The following NCEH1 variants were observed in gnomAD, a reference collection of about 807,000 sequenced individuals.
NCEH1 encodes neutral cholesterol ester hydrolase 1, also known as 2-acetyl MAGE hydrolase.
A neutral mutation model predicts 25.4 loss-of-function variants in NCEH1; 9 were observed. The ratio of observed to expected loss-of-function variants is 0.35; its 90% CI spans 0.21 to 0.62. The LOEUF (loss-of-function observed/expected upper bound fraction) is 0.62, where lower values mean the gene tolerates loss of function less well. Among genes scored for constraint, NCEH1 ranks in the 20% least tolerant of loss-of-function variants. The pLI is 0.72. For missense variants in NCEH1, 412 were observed against 501.1 expected, an observed-to-expected ratio of 0.82 and a Z score of 1.70; for synonymous variants, 200 against 199.8, an observed-to-expected ratio of 1.00 and a Z score of -0.01.
intron 3 of NCEH1, among the ~76,000 whole-genome samples, chr3:172,642,333 C>G (rs971237888): frequency 3.3e-5 from 5 of 151,902 alleles, no homozygotes; most frequent in African/African-American, 1.2e-4. Context: ...ACCACCATGC[C>G]TGGCTAATTG....
chr3:172,707,401 C>G (rs567919299), intron 1 of NCEH1, among the ~76,000 whole-genome samples: 2 of 152,186 alleles, frequency 1.3e-5, no homozygotes, highest in Admixed American at 6.5e-5. Flanking sequence ...AAAGTGTCAA[C>G]TAATCTGATA....
At chr3:172,635,588 G>A (rs115858343) in intron 4 of NCEH1, among the ~76,000 whole-genome samples, 4,176 of 152,210 alleles carry the variant, frequency 0.027, 99 homozygotes, top group Non-Finnish European at 0.044. Context: ...AAAATACTCC[G>A]ATTTGCAAGT....
chr3:172,660,706 T>C (rs1387724435), intron 1 of NCEH1, among the ~76,000 whole-genome samples: 5 of 152,232 alleles, frequency 3.3e-5, no homozygotes, highest in Admixed American at 2.0e-4. Flanking sequence ...TGGTTTTGAT[T>C]TGCATTTCTC....
chr3:172,682,402 ACT>A (rs1283635068), intron 1 of NCEH1, among the ~76,000 whole-genome samples: 1 of 151,972 alleles, frequency 6.6e-6, no homozygotes. Context: ...AATCACAAAT[ACT>A]CTTTCCCTGT....
At chr3:172,660,220 G>C (rs1438723406) in intron 1 of NCEH1, among the ~76,000 whole-genome samples, 81 of 150,078 alleles carry the variant, frequency 5.4e-4, no homozygotes, top group African/African-American at 1.9e-3. Context: ...GTGAGAACAT[G>C]CAGTGTTTGG....
At chr3:172,691,780 T>C (rs1406999551) in intron 1 of NCEH1, among the ~76,000 whole-genome samples, 1 of 152,258 alleles carries the variant, frequency 6.6e-6, no homozygotes, top group Non-Finnish European at 1.5e-5. Context: ...AAACTCCATC[T>C]CTACTAAAAA....
chr3:172,644,920 G>A (rs1370630908), intron 3 of NCEH1, among the ~76,000 whole-genome samples: 1 of 150,974 alleles, frequency 6.6e-6, no homozygotes. Context: ...GAGGAACGTG[G>A]GTTGCAATTT....
Position 172,633,444 on chromosome 3 carries a change from G to C in NCEH1, c.*31C>G. ...CCAAAGCAGGTGTAGGAGGTCAAGA[G>C]GGGCTCGAGGCTTCTGGAAGTTTTG... On this transcript the variant is annotated 3_prime_UTR_variant, in exon 5 of 5. Transcript: ENST00000475381. 1 of 1,591,706 alleles carries C rather than the reference G, an allele frequency of 6.3e-7. No homozygotes were observed. The highest frequency in any genetic ancestry group is 1.3e-5 in the African/African-American group (1 of 74,546).
intron 1 of NCEH1, among the ~76,000 whole-genome samples, chr3:172,654,542 T>C (rs1222515997): frequency 2.6e-5 from 4 of 152,248 alleles, no homozygotes; most frequent in African/African-American, 9.6e-5. Flanking sequence ...GATTATCAAG[T>C]CCTGAAATTG....
At chr3:172,670,806 T>C (rs574315460) in intron 1 of NCEH1, among the ~76,000 whole-genome samples, 39 of 152,298 alleles carry the variant, frequency 2.6e-4, no homozygotes, top group African/African-American at 9.1e-4. Context: ...CATTTTCTTA[T>C]ATTGAGGGCT....
intron 1 of NCEH1, among the ~76,000 whole-genome samples, chr3:172,699,450 T>C (rs545834385): frequency 2.6e-5 from 4 of 152,260 alleles, no homozygotes; most frequent in African/African-American, 7.2e-5. Context: ...ATTGGAGCAC[T>C]CAGGACTGGG....
chr3:172,638,685 AC>A (rs1248496234), intron 3 of NCEH1, among the ~76,000 whole-genome samples: 3 of 152,198 alleles, frequency 2.0e-5, no homozygotes, highest in Non-Finnish European at 4.4e-5. Context: ...ATCACAATAA[AC>A]TGTTTTCCTG....
At chr3:172,692,077 T>C (rs1713094419) in intron 1 of NCEH1, among the ~76,000 whole-genome samples, 1 of 152,052 alleles carries the variant, frequency 6.6e-6, no homozygotes, top group Non-Finnish European at 1.5e-5. Context: ...GATCCACCCC[T>C]TTTGACAAAC....
chr3:172,701,616 G>GTTTTTTTT (rs60219751), intron 1 of NCEH1, among the ~76,000 whole-genome samples: 17 of 110,724 alleles, frequency 1.5e-4, no homozygotes, highest in Non-Finnish European at 2.3e-4. Flanking sequence ...TGCCCAGCTA[G>GTTTTTTTT]TTTTTTTTTT....
At position 172,633,849 on chromosome 3, in the gene NCEH1, G is replaced by T. The variant is rs767277622; in HGVS notation, c.853C>A (p.Arg285Ser). 6.2e-7 allele frequency: 1 copy of T among 1,614,176 alleles called. No homozygotes were observed. The highest frequency in any genetic ancestry group is 2.2e-5 in the East Asian group (1 of 44,886). Reference protein sequence around the residue: ...DVEEAAAVRARLNWTSLLPAS... With the variant: ...DVEEAAAVRASLNWTSLLPAS... ...GGCAAGAGGGATGTCCAGTTTAGAC[G>T]GGCCCTGACAGCAGCAGCCTCTTCC... The change falls in exon 5 of 5, where the codon CGT becomes AGT. Residue 285 changes from arginine to serine, a missense_variant. Around this residue, in one of 3 missense-constraint regions of NCEH1, gnomAD observed 210 missense variants for 258.2 expected, o/e 0.81. Coordinates refer to ENST00000475381, the MANE Select transcript of NCEH1 (RefSeq NM_020792.6).
At chr3:172,653,753 T>TG (rs199634830) in intron 1 of NCEH1, among the ~76,000 whole-genome samples, 30,852 of 85,690 alleles carry the variant, frequency 0.36, 4,307 homozygotes, top group East Asian at 0.66. Flanking sequence ...TGTTTTTTTG[T>TG]TTTTTTGTTT....
rs79936933 is a variant in NCEH1, at chr3:172,693,405, C to A, written c.138+17442G>T. Among the ~76,000 whole-genome samples, 563 of 142,470 alleles carry A rather than the reference C, an allele frequency of 4.0e-3. 3 individuals carry two copies. The highest frequency in any genetic ancestry group is 0.014 in the African/African-American group (542 of 38,452). 93.5% of individuals were successfully genotyped at this position (142,470 alleles called of 152,430 possible). ...GCAACTTTAAGGATTACAGGTGTGT[C>A]AAATTTTAACATGCTACCCATGATT... On this transcript the variant is annotated intron_variant, in intron 1 of 4. Coordinates refer to ENST00000475381, the MANE Select transcript of NCEH1 (RefSeq NM_020792.6).
At chr3:172,682,216 G>T (rs4894577) in intron 1 of NCEH1, among the ~76,000 whole-genome samples, 4 of 151,896 alleles carry the variant, frequency 2.6e-5, no homozygotes, top group Non-Finnish European at 5.9e-5. Flanking sequence ...ACATGCTTGT[G>T]GAGGCCAAAG....
chr3:172,710,851 T>C lies in NCEH1; in HGVS notation c.134A>G (p.Gln45Arg). ...LLDATFRGAQ[Q>R]VSNLIHYLGL... ...CAGCGCTGGGCTGCACCTCACCACT[T>C]GCTGTGCACCCCGGAAAGTGGCGTC... Residue 45 changes from glutamine to arginine, a missense_variant, in exon 1 of 5, where the codon CAA becomes CGA. Physicochemically the swap from Gln to Arg is conservative, Grantham distance 43 (BLOSUM62 1). Around this residue, in one of 3 missense-constraint regions of NCEH1, gnomAD observed 178 missense variants for 189.2 expected, o/e 0.94. Coordinates refer to ENST00000475381, the MANE Select transcript of NCEH1 (RefSeq NM_020792.6). 1 of 1,614,000 alleles carries C rather than the reference T, an allele frequency of 6.2e-7. No individual in the cohort carries two copies. Among genetic ancestry groups the C allele is most frequent in the Non-Finnish European group, 8.5e-7 (1 of 1,180,012 alleles).
Sources: allele counts gnomAD v4.1 joint callset (sites outside exome capture counted in the v4.1 genomes callset), GRCh38; gene constraint gnomAD v4.1.1; regional missense constraint gnomAD v4.1.1; transcripts MANE v1.5; gene names NCBI Gene and HGNC (gene_info 2026-07-23, HGNC 2026-07-21).